The following TLL1 variants were observed in gnomAD, a reference collection of about 807,000 sequenced individuals.
TLL1 encodes tolloid like 1.
In TLL1, 49 loss-of-function variants were observed where a neutral mutation model predicts 128.2. That is an observed-to-expected ratio of 0.38 (90% CI 0.30 to 0.48). The LOEUF (loss-of-function observed/expected upper bound fraction) is 0.48. Ranked by LOEUF, TLL1 falls within the 20% of genes least tolerant of loss-of-function variation. The probability of loss-of-function intolerance (pLI) is 0.96; values close to 1 mark genes in which losing one functional copy is unlikely to be tolerated. For missense variants in TLL1, 1,123 were observed against 1,242.0 expected (o/e 0.90, Z 1.44); for synonymous variants, 454 against 418.8 (o/e 1.08, Z -1.03).
intron 9 of TLL1, chr4:166,030,464 ACT>A (rs1174049714): frequency 1.2e-5 from 7 of 598,788 alleles, no homozygotes; most frequent in Non-Finnish European, 2.2e-5. Flanking sequence ...TTGTATTTTC[ACT>A]CTGTTGATTG....
intron 12 of TLL1, among the ~76,000 whole-genome samples, chr4:166,050,752 A>G (rs1318716578): frequency 6.6e-6 from 1 of 152,158 alleles, no homozygotes; most frequent in Non-Finnish European, 1.5e-5. Context: ...AACTCTGTAC[A>G]GGTTGGCAGG....
chr4:165,976,999 A>G (rs1735914607), intron 1 of TLL1, among the ~76,000 whole-genome samples: 1 of 152,232 alleles, frequency 6.6e-6, no homozygotes, highest in Admixed American at 6.5e-5. Context: ...AGTGTGGCCC[A>G]GGGAAGCCAA....
At chr4:165,905,744 A>G (rs1437293794) in intron 1 of TLL1, among the ~76,000 whole-genome samples, 1 of 152,208 alleles carries the variant, frequency 6.6e-6, no homozygotes, top group Non-Finnish European at 1.5e-5. Flanking sequence ...AACAATTAAG[A>G]GTGATAATGT....
At chr4:165,883,207 T>A (rs1731036942) in intron 1 of TLL1, among the ~76,000 whole-genome samples, 1 of 152,138 alleles carries the variant, frequency 6.6e-6, no homozygotes, top group Non-Finnish European at 1.5e-5. Flanking sequence ...TGTAGCTGAG[T>A]GTTTTAAGTT....
Position 166,055,247 on chromosome 4 carries a change from G to A in TLL1, c.1696G>A (p.Gly566Arg), listed in dbSNP as rs1374589303. ...FVSDGTVNKA[G>R]FAANFFKEED... ...TTCTGACGGAACTGTGAACAAAGCA[G>A]GGTTTGCTGCTAACTTTTTTAAAGG... The change falls in exon 13 of 21, where the codon GGG (glycine) becomes AGG (arginine). Residue 566 changes from glycine to arginine, a missense_variant. Gly to Arg is a moderately radical substitution (Grantham distance 125, BLOSUM62 -2). This residue lies in a region of TLL1 where 634 missense variants were observed against 672.4 expected (regional missense o/e 0.94). Coordinates refer to ENST00000061240, the MANE Select transcript of TLL1 (RefSeq NM_012464.5). 6.2e-7 allele frequency: 1 copy of A among 1,613,608 alleles called. No homozygotes were observed. The highest frequency in any genetic ancestry group is 8.5e-7 in the Non-Finnish European group (1 of 1,179,768).
At chr4:166,026,891 G>T (rs1248644408) in intron 9 of TLL1, among the ~76,000 whole-genome samples, 1 of 152,086 alleles carries the variant, frequency 6.6e-6, no homozygotes, top group East Asian at 1.9e-4. Flanking sequence ...TAAAAACAAT[G>T]AGTAAAATGG....
At chr4:165,885,492 G>A (rs146605701) in intron 1 of TLL1, among the ~76,000 whole-genome samples, 145 of 152,032 alleles carry the variant, frequency 9.5e-4, no homozygotes, top group Middle Eastern at 6.8e-3. Context: ...CCTGAAGTAG[G>A]CCATGCAATT....
chr4:165,936,235 T>G (rs1272700171), intron 1 of TLL1, among the ~76,000 whole-genome samples: 2 of 148,204 alleles, frequency 1.3e-5, no homozygotes, highest in Admixed American at 6.7e-5. Flanking sequence ...TTTTTTTTTT[T>G]TTGAGATGGA....
chr4:165,922,907 G>A (rs995998271), intron 1 of TLL1, among the ~76,000 whole-genome samples: 8 of 152,150 alleles, frequency 5.3e-5, no homozygotes, highest in African/African-American at 1.9e-4. Context: ...CTGATTCCTT[G>A]AGATTTCTTT....
At chr4:165,957,488 T>A (rs1734862269) in intron 1 of TLL1, among the ~76,000 whole-genome samples, 1 of 151,982 alleles carries the variant, frequency 6.6e-6, no homozygotes, top group African/African-American at 2.4e-5. Context: ...TTTTTACCTT[T>A]TTAAATGTAA....
chr4:165,926,601 G>A (rs959763328), intron 1 of TLL1, among the ~76,000 whole-genome samples: 1 of 152,128 alleles, frequency 6.6e-6, no homozygotes, highest in East Asian at 1.9e-4. Flanking sequence ...GCACAATCTG[G>A]TGATAGAATC....
At chr4:165,999,424 G>C (rs1039193540) in intron 5 of TLL1, among the ~76,000 whole-genome samples, 1 of 152,186 alleles carries the variant, frequency 6.6e-6, no homozygotes, top group Non-Finnish European at 1.5e-5. Context: ...CAGCAGGAGA[G>C]AGAGAGAGTG....
intron 8 of TLL1, among the ~76,000 whole-genome samples, chr4:166,023,329 G>A (rs1738331023): frequency 6.6e-6 from 1 of 152,166 alleles, no homozygotes; most frequent in Non-Finnish European, 1.5e-5. Context: ...GAACCTGGGA[G>A]GTGGAGGTTG....
intron 1 of TLL1, among the ~76,000 whole-genome samples, chr4:165,980,353 C>T (rs904869552): frequency 6.6e-6 from 1 of 152,070 alleles, no homozygotes; most frequent in African/African-American, 2.4e-5. Flanking sequence ...TCAACCCAGA[C>T]CTTAAATTCA....
At chr4:165,924,726 T>C (rs1396166450) in intron 1 of TLL1, among the ~76,000 whole-genome samples, 2 of 152,210 alleles carry the variant, frequency 1.3e-5, no homozygotes, top group African/African-American at 2.4e-5. Context: ...TGGAAGAAGA[T>C]GCCATCTAGG....
intron 1 of TLL1, among the ~76,000 whole-genome samples, chr4:165,982,302 A>G (rs1736184581): frequency 6.6e-6 from 1 of 151,976 alleles, no homozygotes; most frequent in South Asian, 2.1e-4. Flanking sequence ...ATTACAAATA[A>G]TATTGAGAGG....
At chr4:165,916,905 C>T (rs889713743) in intron 1 of TLL1, among the ~76,000 whole-genome samples, 22 of 152,002 alleles carry the variant, frequency 1.4e-4, no homozygotes, top group African/African-American at 5.3e-4. Flanking sequence ...TGAAAAAAGG[C>T]ATTTTGCAGG....
chr4:165,933,630 A>G (rs564100907), intron 1 of TLL1, among the ~76,000 whole-genome samples: 1 of 152,084 alleles, frequency 6.6e-6, no homozygotes, highest in South Asian at 2.1e-4. Flanking sequence ...CCCAAATGTC[A>G]TCTTTGCCCA....
At chr4:166,042,498 G>A (rs899223235) in intron 11 of TLL1, among the ~76,000 whole-genome samples, 4 of 152,114 alleles carry the variant, frequency 2.6e-5, no homozygotes, top group East Asian at 1.9e-4. Flanking sequence ...CTGTATTCCC[G>A]AAATACTTTT....
Sources: allele counts gnomAD v4.1 joint callset (sites outside exome capture counted in the v4.1 genomes callset), GRCh38; gene constraint gnomAD v4.1.1; regional missense constraint gnomAD v4.1.1; transcripts MANE v1.5; gene names NCBI Gene and HGNC (gene_info 2026-07-23, HGNC 2026-07-21).